The following DLEC1 variants were observed in gnomAD, a reference collection of about 807,000 sequenced individuals.
DLEC1 encodes deleted in lung and esophageal cancer protein 1.
DLEC1 carries 146 observed loss-of-function variants against 198.1 expected under a neutral mutation model. The observed-to-expected ratio is 0.74, with a 90% CI of 0.64 to 0.85. The LOEUF (loss-of-function observed/expected upper bound fraction) is 0.85. DLEC1 is among the 40% of genes least tolerant of loss of function. The pLI, the probability that DLEC1 is intolerant of heterozygous loss-of-function variation, is 0.00. For synonymous variants in DLEC1, 897 were observed against 866.8 expected, an observed-to-expected ratio of 1.03 and a Z score of -0.61; for missense variants, 2,233 against 2,220.0, an observed-to-expected ratio of 1.01 and a Z score of -0.12.
intron 13 of DLEC1, 159 bp downstream of exon 13, chr3:38,095,230 G>C (rs1698950604): frequency 1.3e-6 from 1 of 779,176 alleles, no homozygotes; most frequent in Admixed American, 2.7e-5. Context: ...TACACACCTG[G>C]TGTGCAGGGT....
intron 22 of DLEC1, chr3:38,109,895 G>T: frequency 1.4e-6 from 1 of 703,874 alleles, no homozygotes; most frequent in Non-Finnish European, 2.3e-6. Flanking sequence ...GGCCAGGGAC[G>T]GTTTGTGCAG....
In DLEC1 at chr3:38,060,892, C is replaced by T. The variant is rs558270039; in HGVS notation, c.673+1040C>T. The stretch of plus-strand genomic sequence containing the variant: ...TATTTTTAGTAGAGAGGGGGTTTCT[C>T]CATGTTGGTCTCAAACTCCTGACCT... On this transcript the variant is annotated intron_variant, in intron 3 of 36. Transcript: ENST00000308059. Among the ~76,000 whole-genome samples, 7 of 152,134 alleles carry T rather than the reference C, an allele frequency of 4.6e-5. No homozygotes were observed. In the East Asian group the frequency reaches 7.8e-4, roughly 17 times the overall value.
intron 34 of DLEC1, among the ~76,000 whole-genome samples, chr3:38,121,110 G>A (rs934624099): frequency 1.6e-4 from 24 of 152,208 alleles, no homozygotes; most frequent in African/African-American, 5.5e-4. Flanking sequence ...CTCTAGAGAG[G>A]CCGGGGGCAG....
chr3:38,062,925 C>T, intron 5 of DLEC1, 124 bp downstream of exon 5: 3 of 1,029,104 alleles, frequency 2.9e-6, no homozygotes, highest in Non-Finnish European at 1.4e-6. Context: ...AGTATCAGAA[C>T]AGAGCAGGGC....
At chr3:38,063,985 A>ATGGAAATT (rs1405332481) in intron 6 of DLEC1, 66 bp downstream of exon 6, 1 of 802,732 alleles carries the variant, frequency 1.2e-6, no homozygotes, top group Non-Finnish European at 1.8e-6. Context: ...AGTCTTTATT[A>ATGGAAATT]TGGAAATTTT....
Position 38,121,719 on chromosome 3 carries a change from G to A in DLEC1, c.4958G>A (p.Arg1653Gln), listed in dbSNP as rs573428697. The A allele has an allele frequency of 8.1e-6, 13 of 1,614,068 alleles. No homozygotes were observed. Among genetic ancestry groups the A allele is most frequent in the African/African-American group, 5.3e-5 (4 of 75,024 alleles). Reference sequence around the variant, plus strand: ...GGGACCTGCTTTGTGAGCCAGCAGCGAGTCCGGGAGGTCTACCTGATGAAC... The same window carrying A: ...GGGACCTGCTTTGTGAGCCAGCAGCAAGTCCGGGAGGTCTACCTGATGAAC... ...DFGTCFVSQQ[R>Q]VREVYLMNLS... Residue 1653 changes from arginine (R) to glutamine (Q), a missense_variant, in exon 35 of 37, where the codon CGA becomes CAA. Arg to Gln is a conservative substitution (Grantham distance 43). Coordinates refer to ENST00000308059, the MANE Select transcript of DLEC1 (RefSeq NM_007335.4).
At chr3:38,053,367 A>C in intron 2 of DLEC1, among the ~76,000 whole-genome samples, 2 of 125,386 alleles carry the variant, frequency 1.6e-5, no homozygotes, top group African/African-American at 6.3e-5. Context: ...CCGGCCGCCC[A>C]TTGTCTGAGA....
chr3:38,063,296 A>G (rs1696795353), intron 5 of DLEC1, among the ~76,000 whole-genome samples: 1 of 152,178 alleles, frequency 6.6e-6, no homozygotes, highest in Non-Finnish European at 1.5e-5. Flanking sequence ...TTTTATTAAG[A>G]AAAATTAGAT....
intron 5 of DLEC1, among the ~76,000 whole-genome samples, chr3:38,063,263 T>G (rs891448671): frequency 3.3e-5 from 5 of 152,208 alleles, no homozygotes; most frequent in Admixed American, 1.3e-4. Flanking sequence ...CTATTAACAT[T>G]TCTTTATTAG....
chr3:38,053,507 C>T (rs539670463), intron 2 of DLEC1, among the ~76,000 whole-genome samples: 261 of 129,654 alleles, frequency 2.0e-3, no homozygotes, highest in Middle Eastern at 4.8e-3. Flanking sequence ...GGAGCCCCTC[C>T]GCCCGGCAGC....
In DLEC1 at chr3:38,084,155, C is replaced by T. The variant is rs902677255; in HGVS notation, c.1174-3C>T. ...TAAAAGAGATCATCTTACCTTTCAA[C>T]AGATGGTAATTGCGCTGCAGAACAC... On this transcript the variant is annotated splice_polypyrimidine_tract_variant and splice_region_variant and intron_variant, in intron 6 of 36. Transcript: ENST00000308059. 6 of 1,612,362 alleles carry T rather than the reference C, an allele frequency of 3.7e-6. No homozygotes were observed. In the African/African-American group the frequency reaches 8.0e-5, roughly 22 times the overall value.
In DLEC1 at chr3:38,123,384, A is replaced by C. The variant is rs1041661975; in HGVS notation, c.*972A>C. The C allele has an allele frequency of 9.5e-5, 44 of 462,150 alleles. No individual in the cohort carries two copies. Among genetic ancestry groups the C allele is most frequent in the Middle Eastern group, 5.2e-4 (1 of 1,926 alleles). 28.6% of individuals were successfully genotyped at this position (462,150 alleles called of 1,614,324 possible). ...CTAAGTTCAGGGTGTTTCTGTGTGC[A>C]TGTTCCCCTCCCCAGGGATCGATCA... On this transcript the variant is annotated 3_prime_UTR_variant, in exon 37 of 37. Coordinates refer to ENST00000308059, the MANE Select transcript of DLEC1 (RefSeq NM_007335.4).
At chr3:38,045,427 T>C in intron 1 of DLEC1, 116 bp from the exon 2 acceptor site, 2 of 1,336,094 alleles carry the variant, frequency 1.5e-6, no homozygotes, top group Non-Finnish European at 2.0e-6. Flanking sequence ...TTGGAATAGT[T>C]CTCTGACTAT....
intron 6 of DLEC1, among the ~76,000 whole-genome samples, chr3:38,076,870 G>A (rs1309943350): frequency 6.6e-6 from 1 of 152,190 alleles, no homozygotes; most frequent in Non-Finnish European, 1.5e-5. Context: ...ATCAGGATTA[G>A]GGGCAGCGTG....
At position 38,085,386 on chromosome 3, in the gene DLEC1, C is replaced by G; in HGVS notation, c.1374C>G (p.Thr458=). Residue 458 remains threonine, a synonymous_variant, in exon 8 of 37, where the codon ACC becomes ACG. Coordinates refer to ENST00000308059, the MANE Select transcript of DLEC1 (RefSeq NM_007335.4). ...GDFDDFILVE[T]QSAHTLLIPL... is the part of the protein sequence containing the mutation. ...TTGATGATTTTATTTTAGTGGAGAC[C>G]CAGTCAGCCCACACACTTCTGATCC... 9 of 1,614,114 alleles carry G rather than the reference C, an allele frequency of 5.6e-6. No individual in the cohort carries two copies. Among genetic ancestry groups the G allele is most frequent in the Non-Finnish European group, 7.6e-6 (9 of 1,180,018 alleles).
intron 6 of DLEC1, among the ~76,000 whole-genome samples, chr3:38,081,506 C>T (rs1697992041): frequency 1.0e-5 from 1 of 97,734 alleles, no homozygotes; most frequent in African/African-American, 4.7e-5. Flanking sequence ...TCCTCACTTC[C>T]CAGTAGGGGC....
intron 6 of DLEC1, among the ~76,000 whole-genome samples, chr3:38,080,802 C>CTT (rs76282097): frequency 0.14 from 15,887 of 112,462 alleles, 1,223 homozygotes; most frequent in East Asian, 0.34. Context: ...TTCGGGTGTT[C>CTT]TTTTTTTTTT....
Position 38,117,256 on chromosome 3 carries a change from G to T in DLEC1, c.4354G>T (p.Val1452Leu). 6.2e-7 allele frequency: 1 copy of T among 1,614,166 alleles called. No homozygotes were observed. Among genetic ancestry groups the T allele is most frequent in the Non-Finnish European group, 8.5e-7 (1 of 1,180,008 alleles). Residue 1452 changes from valine (V) to leucine (L), a missense_variant, in exon 31 of 37, where the codon GTG becomes TTG. Transcript: ENST00000308059. The part of the protein sequence containing the change: ...GKRHRLQDFA[V>L]GPLKLDLHSY... ...GAGGCATCGCCTGCAGGACTTTGCG[G>T]TGGGACCCCTGAAACTGGACCTGCA...
At chr3:38,042,097 A>T (rs1385114710) in intron 1 of DLEC1, among the ~76,000 whole-genome samples, 2 of 151,858 alleles carry the variant, frequency 1.3e-5, no homozygotes, top group Admixed American at 1.3e-4. Context: ...GGTTCAAGCG[A>T]TTCTCCTGCC....
Sources: gnomAD v4.1 joint callset for allele counts (sites outside exome capture counted in the v4.1 genomes callset) on GRCh38, gnomAD v4.1.1 for gene constraint, MANE v1.5 for transcripts, NCBI Gene and HGNC (gene_info 2026-07-23, HGNC 2026-07-21) for gene names.